FGF14: variants seen among roughly 807,000 people sequenced by gnomAD.
The protein encoded by FGF14 is fibroblast growth factor homologous factor 4.
In FGF14, 5 loss-of-function variants were observed where a neutral mutation model predicts 25.5. The observed-to-expected ratio is 0.20, with a 90% confidence interval of 0.10 to 0.41. The LOEUF is 0.41. FGF14 is among the 10% of genes least tolerant of loss of function. FGF14 has a pLI of 1.00. For missense variants in FGF14, 222 were observed against 320.1 expected (o/e 0.69, Z 2.34); for synonymous variants, 138 against 118.3 (o/e 1.17, Z -1.08).
At chr13:102,241,593 G>T (rs911320777) in intron 1 of FGF14, among the ~76,000 whole-genome samples, 1 of 152,136 alleles carries the variant, frequency 6.6e-6, no homozygotes, top group Non-Finnish European at 1.5e-5. Flanking sequence ...AAAAAAATAT[G>T]ATCTGTCCAC....
At chr13:102,155,727 G>GTT (rs375512147) in intron 1 of FGF14, among the ~76,000 whole-genome samples, 16,376 of 151,696 alleles carry the variant, frequency 0.11, 1,046 homozygotes, top group East Asian at 0.15. Context: ...CCAGGAGCTG[G>GTT]TTTTTTTAAA....
At chr13:102,256,329 C>CA (rs1015355606) in intron 1 of FGF14, among the ~76,000 whole-genome samples, 18 of 150,220 alleles carry the variant, frequency 1.2e-4, no homozygotes, top group South Asian at 8.5e-4. Context: ...CCCATCTCTA[C>CA]AAAAAAAAAT....
At chr13:101,878,222 C>A (rs1051834887) in intron 1 of FGF14, among the ~76,000 whole-genome samples, 1 of 152,200 alleles carries the variant, frequency 6.6e-6, no homozygotes, top group African/African-American at 2.4e-5. Flanking sequence ...CCTTATCTGT[C>A]TCAAATATGG....
chr13:102,213,851 T>C (rs1007870752), intron 1 of FGF14, among the ~76,000 whole-genome samples: 8 of 152,186 alleles, frequency 5.3e-5, no homozygotes, highest in African/African-American at 1.7e-4. Flanking sequence ...AAACAACCTG[T>C]AGGTCTTCCT....
intron 1 of FGF14, among the ~76,000 whole-genome samples, chr13:101,963,344 A>G (rs1246489989): frequency 1.3e-5 from 2 of 151,912 alleles, no homozygotes; most frequent in Non-Finnish European, 2.9e-5. Flanking sequence ...TTTTGGCTGT[A>G]TTCTCTGACT....
chr13:101,885,518 C>A (rs1484576634), intron 1 of FGF14, among the ~76,000 whole-genome samples: 1 of 152,096 alleles, frequency 6.6e-6, no homozygotes, highest in Admixed American at 6.6e-5. Context: ...AAAGAAAATG[C>A]TGGGAAAGGC....
At chr13:102,133,163 T>C (rs558988912) in intron 1 of FGF14, among the ~76,000 whole-genome samples, 10 of 152,360 alleles carry the variant, frequency 6.6e-5, no homozygotes, top group African/African-American at 2.4e-4. Flanking sequence ...ATGGAATAGC[T>C]ATTGTGAAAT....
intron 1 of FGF14, among the ~76,000 whole-genome samples, chr13:102,038,549 T>A (rs750691548): frequency 6.7e-4 from 102 of 152,322 alleles, no homozygotes; most frequent in Non-Finnish European, 1.4e-3. Context: ...ATGAATAACT[T>A]GTTTTCAACA....
At chr13:101,873,035 A>G (rs1015841889) in intron 2 of FGF14, among the ~76,000 whole-genome samples, 1 of 152,040 alleles carries the variant, frequency 6.6e-6, no homozygotes, top group Non-Finnish European at 1.5e-5. Flanking sequence ...AGAAGAAAAA[A>G]AAAAAACATA....
intron 3 of FGF14, among the ~76,000 whole-genome samples, chr13:101,814,408 T>C (rs2041730270): frequency 6.6e-6 from 1 of 152,264 alleles, no homozygotes. Flanking sequence ...AAAATGTATC[T>C]TCACAATATT....
intron 1 of FGF14, among the ~76,000 whole-genome samples, chr13:102,049,126 G>A (rs1329964183): frequency 2.0e-5 from 3 of 151,414 alleles, no homozygotes; most frequent in Non-Finnish European, 2.9e-5. Context: ...AAAATTTTAG[G>A]AAAAAAAATA....
At chr13:102,204,283 T>C (rs1229303459) in intron 1 of FGF14, among the ~76,000 whole-genome samples, 2 of 152,108 alleles carry the variant, frequency 1.3e-5, no homozygotes, top group African/African-American at 2.4e-5. Context: ...GTCCACTTAG[T>C]TCAATTTTCC....
intron 3 of FGF14, among the ~76,000 whole-genome samples, chr13:101,808,464 T>C (rs1420180467): frequency 2.0e-5 from 3 of 152,168 alleles, no homozygotes; most frequent in Non-Finnish European, 2.9e-5. Flanking sequence ...GAATTAATGT[T>C]TGTCATATCT....
rs539355360 is a variant in FGF14, at chr13:102,256,888, A to G, written c.208+144583T>C. On this transcript the variant is annotated intron_variant, in intron 1 of 4. Coordinates refer to the FGF14 transcript ENST00000376131. The stretch of plus-strand genomic sequence containing the variant: ...TTAAATCTAAGTAGTTTGAGTTAAA[A>G]TAATTGGTCATGAATTGAAAATATG... 5.9e-5 allele frequency among the ~76,000 whole-genome samples: 9 copies of G among 152,352 alleles called. No homozygotes were observed. In the South Asian group the frequency reaches 6.2e-4, roughly 11 times the overall value.
At chr13:102,262,096 C>G (rs780954389) in intron 1 of FGF14, among the ~76,000 whole-genome samples, 1 of 152,172 alleles carries the variant, frequency 6.6e-6, no homozygotes, top group Non-Finnish European at 1.5e-5. Context: ...AAAGCAGATG[C>G]TGATCTTTAG....
rs913889307 is a variant in FGF14, at chr13:101,818,409, G to A, written c.408+50316C>T. The stretch of plus-strand genomic sequence containing the variant: ...TCCCTGTGCCATGTAGGATATTTTG[G>A]GTAGCATCCTCCCTCCTAGCTTCTG... On this transcript the variant is annotated intron_variant, in intron 3 of 4. Transcript: ENST00000376143. Among the ~76,000 whole-genome samples, 26 of 152,130 alleles carry A rather than the reference G, an allele frequency of 1.7e-4. 1 individual carries two copies. The highest frequency in any genetic ancestry group is 6.0e-4 in the African/African-American group (25 of 41,420).
chr13:101,863,502 C>T (rs1392942831), intron 3 of FGF14, among the ~76,000 whole-genome samples: 2 of 152,102 alleles, frequency 1.3e-5, no homozygotes, highest in Non-Finnish European at 2.9e-5. Flanking sequence ...GGAAGCCCTG[C>T]CAATGTCTGA....
chr13:102,257,745 G>T (rs750775052), intron 1 of FGF14, among the ~76,000 whole-genome samples: 13 of 152,086 alleles, frequency 8.5e-5, no homozygotes, highest in African/African-American at 1.2e-4. Flanking sequence ...AAGCCACAAG[G>T]AAAAGGGAGC....
chr13:102,266,190 A>C (rs1312985692), intron 1 of FGF14, among the ~76,000 whole-genome samples: 2 of 152,172 alleles, frequency 1.3e-5, no homozygotes, highest in Non-Finnish European at 2.9e-5. Flanking sequence ...TATAGGCTCA[A>C]CTTCTACTTC....
Sources: gnomAD v4.1 joint callset for allele counts (sites outside exome capture counted in the v4.1 genomes callset) on GRCh38, gnomAD v4.1.1 for gene constraint, MANE v1.5 for transcripts, NCBI Gene and HGNC (gene_info 2026-07-23, HGNC 2026-07-21) for gene names.